Variants in MYLK2 observed in about 807,000 individuals in gnomAD.
The protein encoded by MYLK2 is myosin light chain kinase 2, skeletal/cardiac muscle.
A neutral mutation model predicts 58.2 loss-of-function variants in MYLK2; 27 were observed. The observed-to-expected ratio is 0.46, with a 90% CI of 0.34 to 0.64. MYLK2 has a LOEUF of 0.64. Among genes scored for constraint, MYLK2 ranks in the 30% least tolerant of loss-of-function variants. The pLI, the probability that MYLK2 is intolerant of heterozygous loss-of-function variation, is 0.01. For synonymous variants in MYLK2, 310 were observed against 296.7 expected, an observed-to-expected ratio of 1.04 and a Z score of -0.46; for missense variants, 676 against 764.3, an observed-to-expected ratio of 0.88 and a Z score of 1.36.
intron 12 of MYLK2, among the ~76,000 whole-genome samples, chr20:31,833,335 G>A (rs1279473164): frequency 2.0e-5 from 3 of 152,186 alleles, no homozygotes; most frequent in Non-Finnish European, 4.4e-5. Context: ...TGGAGAGTTT[G>A]AGGAACAGGT....
intron 7 of MYLK2, 24 bp from the exon 8 acceptor site, chr20:31,826,773 C>A: frequency 6.2e-7 from 1 of 1,614,012 alleles, no homozygotes; most frequent in Non-Finnish European, 8.5e-7. Context: ...ACGGAGCAAG[C>A]CGTGGAGGGG....
At chr20:31,819,471 C>G in intron 1 of MYLK2, 43 bp downstream of exon 1, 1 of 1,429,120 alleles carries the variant, frequency 7.0e-7, no homozygotes, top group Non-Finnish European at 9.6e-7. Flanking sequence ...CTTCCTGTCT[C>G]ACTGCAGCCA....
chr20:31,821,781 G>A lies in MYLK2; in HGVS notation c.772+44G>A, dbSNP rs35574032. On this transcript the variant is annotated intron_variant, in intron 4 of 12. Coordinates refer to ENST00000375985, the MANE Select transcript of MYLK2 (RefSeq NM_033118.4). ...GGGGCTGGGGCTGCCCTGGGGCCAGGGGGAGGGAAGGGGGCTGTCAGTCCC... is the reference window on the plus strand; with the variant it reads ...GGGGCTGGGGCTGCCCTGGGGCCAGAGGGAGGGAAGGGGGCTGTCAGTCCC... 6 of 1,529,602 alleles carry A rather than the reference G, an allele frequency of 3.9e-6. No individual in the cohort carries two copies. The East Asian group carries it at 1.4e-4, about 35-fold the overall frequency. The allele number at this position is 1,529,602 out of a possible 1,614,324, so 94.8% of individuals were successfully genotyped here. A position where few individuals can be genotyped will look rare whatever the true frequency, so the allele number is the denominator to read the frequency against.
intron 8 of MYLK2, chr20:31,828,452 G>A (rs1055722284): frequency 2.0e-6 from 2 of 985,214 alleles, no homozygotes; most frequent in African/African-American, 1.7e-5. Context: ...TAATTCATTC[G>A]ATAAGCACGT....
intron 8 of MYLK2, among the ~76,000 whole-genome samples, chr20:31,829,532 C>T (rs959677844): frequency 6.6e-6 from 1 of 152,202 alleles, no homozygotes; most frequent in African/African-American, 2.4e-5. Context: ...CTTCAGAAAG[C>T]GTCTCCTTAG....
Position 31,819,646 on chromosome 20 carries a change from G to A in MYLK2, c.52+14G>A, listed in dbSNP as rs2123125141. On this transcript the variant is annotated intron_variant, in intron 2 of 12. Transcript: ENST00000375985. ...ACCCATCAACAGGTGCCAAGCTGGG[G>A]CAGGAGATGGAGGGAGGAGCTTGGG... 1.3e-6 allele frequency: 2 copies of A among 1,551,526 alleles called. No homozygotes were observed. Among genetic ancestry groups the A allele is most frequent in the East Asian group, 4.9e-5 (2 of 40,922 alleles).
At chr20:31,820,058 C>A in intron 2 of MYLK2, 68 bp from the exon 3 acceptor site, 1 of 1,594,784 alleles carries the variant, frequency 6.3e-7, no homozygotes, top group Non-Finnish European at 8.6e-7. Context: ...GAGCTGGTCT[C>A]TGCCCAGCCT....
At position 31,831,923 on chromosome 20, in the gene MYLK2, G is replaced by A; in HGVS notation, c.1577+68G>A. 2.5e-6 allele frequency: 4 copies of A among 1,613,276 alleles called. No individual in the cohort carries two copies. The South Asian group carries it at 3.3e-5, about 13-fold the overall frequency. On this transcript the variant is annotated intron_variant, in intron 11 of 12. Transcript: ENST00000375985. ...AGTGTGTCTGAGTGCTGGCAGGGCG[G>A]GAGCCAGGTAGAGAGGCCAGCTGAG...
chr20:31,831,124 G>A lies in MYLK2; in HGVS notation c.1407G>A (p.Gly469=), dbSNP rs934365518. 6.2e-7 allele frequency: 1 copy of A among 1,614,118 alleles called. No homozygotes were observed. Among genetic ancestry groups the A allele is most frequent in the Non-Finnish European group, 8.5e-7 (1 of 1,179,988 alleles). ...ISDKTDMWSM[G]VITYMLLSGL... ...ATAAGACAGACATGTGGAGTATGGG[G>A]GTGATCACCTACATGCTGTGAGCTC... The change falls in exon 10 of 13, where the codon GGG becomes GGA. Residue 469 remains glycine, a synonymous_variant. Coordinates refer to ENST00000375985, the MANE Select transcript of MYLK2 (RefSeq NM_033118.4).
Position 31,829,822 on chromosome 20 carries a change from C to T in MYLK2, c.1225-997C>T, listed in dbSNP as rs547423533. Among the ~76,000 whole-genome samples the T allele has an allele frequency of 2.0e-5, 3 of 152,284 alleles. No homozygotes were observed. The South Asian group carries it at 6.2e-4, about 32-fold the overall frequency. On this transcript the variant is annotated intron_variant, in intron 8 of 12. Transcript: ENST00000375985. ...CTGCAACCTCAGATTAGTCCTGTGT[C>T]CTTGTGTGATAGGAAGAGGAAACAG...
intron 6 of MYLK2, among the ~76,000 whole-genome samples, chr20:31,826,158 T>C (rs2062278244): frequency 6.6e-6 from 1 of 152,150 alleles, no homozygotes; most frequent in African/African-American, 2.4e-5. Context: ...TAAGGTCTAA[T>C]TTTGGACATG....
rs2062240273 is a variant in MYLK2 at position 31,819,423 on chromosome 20, C to T, written c.-54C>T. 2.0e-6 allele frequency: 2 copies of T among 1,006,982 alleles called. No homozygotes were observed. The highest frequency in any genetic ancestry group is 3.2e-5 in the African/African-American group (2 of 62,622). The allele number at this position is 1,006,982 out of a possible 1,614,324, so 62.4% of individuals were successfully genotyped here. ...ACGGCAACCAGGTTGCCCCTCTTTG[C>T]TCCAGGTACCTCTCTCCCCTCAGTT... On this transcript the variant is annotated 5_prime_UTR_variant, in exon 1 of 13. Coordinates refer to ENST00000375985, the MANE Select transcript of MYLK2 (RefSeq NM_033118.4).
chr20:31,828,526 G>A, intron 8 of MYLK2: 1 of 979,940 alleles, frequency 1.0e-6, no homozygotes, highest in Non-Finnish European at 1.2e-6. Context: ...AATGGTCCCT[G>A]TCTCATGGAG....
At chr20:31,831,896 T>A in intron 11 of MYLK2, 41 bp downstream of exon 11, 4 of 1,613,892 alleles carry the variant, frequency 2.5e-6, no homozygotes, top group Non-Finnish European at 3.4e-6. Context: ...GTGTGCAAGC[T>A]TAGTGTGTCT....
intron 8 of MYLK2, chr20:31,827,454 A>C: frequency 1.3e-5 from 13 of 985,472 alleles, no homozygotes; most frequent in Non-Finnish European, 1.4e-5. Context: ...AAATAAGTAT[A>C]GTGTCAGCGT....
At chr20:31,822,893 C>T (rs2062258227) in intron 4 of MYLK2, among the ~76,000 whole-genome samples, 1 of 152,228 alleles carries the variant, frequency 6.6e-6, no homozygotes, top group African/African-American at 2.4e-5. Context: ...CCTGCCGCCT[C>T]TTGCTATTTA....
In MYLK2 at chr20:31,833,944, C is replaced by T. The variant is rs1298005593; in HGVS notation, c.*147C>T. 4.2e-6 allele frequency: 3 copies of T among 719,454 alleles called. No homozygotes were observed. The highest frequency in any genetic ancestry group is 4.7e-6 in the Non-Finnish European group (2 of 424,698). 44.6% of individuals were successfully genotyped at this position (719,454 alleles called of 1,614,324 possible). A position where few individuals can be genotyped will look rare whatever the true frequency, so the allele number is the denominator to read the frequency against. On this transcript the variant is annotated 3_prime_UTR_variant, in exon 13 of 13. Transcript: ENST00000375985. ...CCAGGCTGGGAGGCTCGGGGCTCCCCACGCCCCCATGCAGTGACCGCTTCC... is the reference window on the plus strand; with the variant it reads ...CCAGGCTGGGAGGCTCGGGGCTCCCTACGCCCCCATGCAGTGACCGCTTCC...
intron 10 of MYLK2, among the ~76,000 whole-genome samples, chr20:31,831,416 A>ACCACATACCT: frequency 6.6e-6 from 1 of 152,012 alleles, no homozygotes; most frequent in East Asian, 1.9e-4. Context: ...GACATTTCCT[A>ACCACATACCT]TGTGCTCACC....
At chr20:31,824,835 G>T (rs916677319) in intron 6 of MYLK2, among the ~76,000 whole-genome samples, 5 of 152,252 alleles carry the variant, frequency 3.3e-5, no homozygotes, top group Admixed American at 2.0e-4. Flanking sequence ...CAGGCAGGTA[G>T]AGTGAGGGAG....
Sources: allele counts gnomAD v4.1 joint callset (sites outside exome capture counted in the v4.1 genomes callset), GRCh38; gene constraint gnomAD v4.1.1; transcripts MANE v1.5; gene names NCBI Gene and HGNC (gene_info 2026-07-23, HGNC 2026-07-21).